MROH7: variants seen among roughly 807,000 people sequenced by gnomAD.
The protein encoded by MROH7 is maestro heat-like repeat-containing protein family member 7.
In MROH7, 113 loss-of-function variants were observed where a neutral mutation model predicts 129.2. That is an observed-to-expected ratio of 0.87 (90% CI 0.75 to 1.02). The LOEUF (loss-of-function observed/expected upper bound fraction) is 1.02. Ranked by LOEUF, MROH7 falls within the 50% of genes least tolerant of loss-of-function variation. MROH7 has a pLI of 0.00. For missense variants in MROH7, 1,601 were observed against 1,671.3 expected, an observed-to-expected ratio of 0.96 and a Z score of 0.73; for synonymous variants, 655 against 667.9, an observed-to-expected ratio of 0.98 and a Z score of 0.30.
At chr1:54,700,800 T>C (rs1213317677) in intron 18 of MROH7, among the ~76,000 whole-genome samples, 2 of 152,224 alleles carry the variant, frequency 1.3e-5, no homozygotes, top group African/African-American at 2.4e-5. Context: ...TGTTTTTCTC[T>C]ACCAGGCACT....
intron 21 of MROH7, 62 bp downstream of exon 21, chr1:54,702,807 G>A: frequency 6.5e-7 from 1 of 1,531,720 alleles, no homozygotes; most frequent in Middle Eastern, 1.8e-4. Flanking sequence ...CGAATTCTGT[G>A]TCTCTCTCTT....
intron 16 of MROH7, among the ~76,000 whole-genome samples, chr1:54,695,172 T>C (rs1044488114): frequency 6.6e-6 from 1 of 152,160 alleles, no homozygotes; most frequent in Non-Finnish European, 1.5e-5. Flanking sequence ...TCTTTCCCAT[T>C]CTGGGCTTCA....
At chr1:54,645,112 A>G (rs1644444848) in intron 1 of MROH7, among the ~76,000 whole-genome samples, 1 of 152,148 alleles carries the variant, frequency 6.6e-6, no homozygotes, top group African/African-American at 2.4e-5. Context: ...GCCCAGCCAA[A>G]GCATTTTTAT....
intron 1 of MROH7, among the ~76,000 whole-genome samples, chr1:54,649,090 C>T (rs1050170588): frequency 2.6e-5 from 4 of 152,124 alleles, no homozygotes; most frequent in Non-Finnish European, 5.9e-5. Flanking sequence ...GGTACTTGCA[C>T]AAGTGTCTAA....
Position 54,648,982 on chromosome 1 carries a change from C to T in MROH7, c.-109-2967C>T, listed in dbSNP as rs150348067. 3.1e-3 allele frequency among the ~76,000 whole-genome samples: 471 copies of T among 152,246 alleles called. 4 individuals carry two copies. Among genetic ancestry groups the T allele is most frequent in the African/African-American group, 0.011 (450 of 41,550 alleles). ...TGCAATGGAGGAGAATAGAAGAGTC[C>T]TATTTAGGGGAAAAATGGAGAGTCT... On this transcript the variant is annotated intron_variant, in intron 1 of 23. Transcript: ENST00000421030.
At chr1:54,680,681 G>C (rs1422238329) in intron 13 of MROH7, among the ~76,000 whole-genome samples, 2 of 152,240 alleles carry the variant, frequency 1.3e-5, no homozygotes, top group Non-Finnish European at 2.9e-5. Flanking sequence ...GGAGAGGTCA[G>C]TCTGGCCTCA....
In MROH7 at chr1:54,686,252, C is replaced by T. The variant is rs1269936349; in HGVS notation, c.2521-6C>T. 3 of 1,609,670 alleles carry T rather than the reference C, an allele frequency of 1.9e-6. No individual in the cohort carries two copies. The Admixed American group carries it at 5.0e-5, about 27-fold the overall frequency. On this transcript the variant is annotated splice_polypyrimidine_tract_variant and splice_region_variant and intron_variant, in intron 14 of 23. Coordinates refer to ENST00000421030, the MANE Select transcript of MROH7 (RefSeq NM_001039464.4). Reference sequence around the variant, plus strand: ...ACATCCCAGCAGCCTCCCCTCTGCCCCATAGGCAGCCAGCGGCCTGTGCGA... The same window carrying T: ...ACATCCCAGCAGCCTCCCCTCTGCCTCATAGGCAGCCAGCGGCCTGTGCGA...
intron 3 of MROH7, among the ~76,000 whole-genome samples, chr1:54,661,600 GTTTGTTTA>G (rs1342275833): frequency 6.8e-6 from 1 of 147,066 alleles, no homozygotes; most frequent in East Asian, 2.1e-4. Context: ...TTGTTTGTTT[GTTTGTTTA>G]TTTTGAGACA....
Position 54,700,432 on chromosome 1 carries a change from C to T in MROH7, c.3076C>T (p.Leu1026=), listed in dbSNP as rs1405133640. Residue 1026 remains leucine (L), a synonymous_variant, in exon 18 of 24, where the codon CTG becomes TTG. Transcript: ENST00000421030. The part of the protein sequence containing the change: ...PIMKVLSIRG[L]VILARRSEKT... ...CATGAAGGTGCTGTCCATTCGAGGC[C>T]TGGTCATCCTGGCCCGCAGGTCTGA... The T allele has an allele frequency of 6.2e-7, 1 of 1,607,020 alleles. No homozygotes were observed. The highest frequency in any genetic ancestry group is 1.7e-5 in the Admixed American group (1 of 59,642).
At chr1:54,661,898 A>G (rs2101086143) in intron 3 of MROH7, among the ~76,000 whole-genome samples, 1 of 152,136 alleles carries the variant, frequency 6.6e-6, no homozygotes, top group South Asian at 2.1e-4. Flanking sequence ...CCCTGGCCTT[A>G]AAAATATTTT....
In MROH7 at chr1:54,692,496, C is replaced by T; in HGVS notation, c.2784C>T (p.Asp928=). The T allele has an allele frequency of 1.2e-6, 2 of 1,614,040 alleles. No homozygotes were observed. The highest frequency in any genetic ancestry group is 1.7e-6 in the Non-Finnish European group (2 of 1,180,020). The change falls in exon 16 of 24, where the codon GAC becomes GAT. Residue 928 remains aspartate, a synonymous_variant. Transcript: ENST00000421030. ...CTTATGAGACCACGTTTCTGGAGGA[C>T]CAGGGTGGCTGGGAGCTCATGGAGC... The part of the protein sequence containing the change: ...GCSYETTFLE[D]QGGWELMEQV...
Position 54,673,085 on chromosome 1 carries a change from C to A in MROH7, c.1600-6C>A, listed in dbSNP as rs775285172. On this transcript the variant is annotated splice_region_variant and splice_polypyrimidine_tract_variant and intron_variant, in intron 7 of 23. Transcript: ENST00000421030. ...CTTAGTGGCTTGGTCCTCCTCCCATCCACAGGCTCTTTACCATCAGACCCT... is the reference window on the plus strand; with the variant it reads ...CTTAGTGGCTTGGTCCTCCTCCCATACACAGGCTCTTTACCATCAGACCCT... 22 of 1,612,268 alleles carry A rather than the reference C, an allele frequency of 1.4e-5. 1 individual carries two copies. The South Asian group carries it at 2.1e-4, about 15-fold the overall frequency.
intron 16 of MROH7, among the ~76,000 whole-genome samples, chr1:54,694,720 T>C (rs1329906737): frequency 6.6e-6 from 1 of 152,198 alleles, no homozygotes. Flanking sequence ...TCTGCCCGTC[T>C]CAGCCTCCCA....
chr1:54,653,916 C>G lies in MROH7; in HGVS notation c.990C>G (p.Ile330Met), dbSNP rs1407579955. ...CTCCACCCTCATGCATGACTCTAAT[C>G]CTGGGTTCCAATGAGACTCTGAGCC... ...TISPPSCMTLILGSNETLSLD... is the reference protein window; with the variant it reads ...TISPPSCMTLMLGSNETLSLD... Residue 330 changes from isoleucine (I) to methionine (M), a missense_variant, in exon 3 of 24, where the codon ATC becomes ATG. Ile to Met is a conservative substitution (Grantham distance 10, BLOSUM62 1). Coordinates refer to ENST00000421030, the MANE Select transcript of MROH7 (RefSeq NM_001039464.4). 3 of 1,614,090 alleles carry G rather than the reference C, an allele frequency of 1.9e-6. No individual in the cohort carries two copies. Among genetic ancestry groups the G allele is most frequent in the Non-Finnish European group, 2.5e-6 (3 of 1,180,046 alleles).
rs776184970 is a variant in MROH7 at position 54,701,209 on chromosome 1, G to A, written c.3172G>A (p.Val1058Met). 6.2e-7 allele frequency: 1 copy of A among 1,614,220 alleles called. No individual in the cohort carries two copies. The change falls in exon 19 of 24, where the codon GTG (valine) becomes ATG (methionine). Residue 1058 changes from valine to methionine, a missense_variant. By Grantham distance (21) the Val-to-Met change is conservative. Transcript: ENST00000421030. ...CCTGAAGAACATGGATGGGATGCTG[G>A]TGGTGGAAGCGGTCCACAACCTCAA... ...KGLKNMDGML[V>M]VEAVHNLKAV...
chr1:54,682,496 C>T lies in MROH7; in HGVS notation c.2382-160C>T, dbSNP rs114252178. On this transcript the variant is annotated intron_variant, in intron 13 of 23. Coordinates refer to ENST00000421030, the MANE Select transcript of MROH7 (RefSeq NM_001039464.4). ...AAATAGGGTTTCTTGTCCTTCTAGC[C>T]CCTGACTCTTTGGGAGTGTTTTCTG... Among the ~76,000 whole-genome samples, 888 of 152,246 alleles carry T rather than the reference C, an allele frequency of 5.8e-3. 5 individuals are homozygous for T. Among genetic ancestry groups the T allele is most frequent in the Non-Finnish European group, 7.2e-3 (489 of 68,002 alleles).
At chr1:54,663,115 C>G (rs1197159136) in intron 3 of MROH7, among the ~76,000 whole-genome samples, 1 of 152,064 alleles carries the variant, frequency 6.6e-6, no homozygotes, top group Non-Finnish European at 1.5e-5. Context: ...AATATTTACC[C>G]CTTTGTAGTA....
Position 54,706,455 on chromosome 1 carries a change from C to T in MROH7, c.3585C>T (p.Ser1195=), listed in dbSNP as rs148185761. The change falls in exon 22 of 24, where the codon AGC becomes AGT. Residue 1195 remains serine (S), a synonymous_variant. Transcript: ENST00000421030. ...CCTAGGTGAACACCCACCGAGACAGCGCCTTCATATTCCTCAGCCAGAGCC... is the reference window on the plus strand; with the variant it reads ...CCTAGGTGAACACCCACCGAGACAGTGCCTTCATATTCCTCAGCCAGAGCC... ...CKCLVNTHRD[S]AFIFLSQSLE... is the part of the protein sequence containing the mutation. The T allele has an allele frequency of 4.7e-4, 759 of 1,613,570 alleles. No homozygotes were observed. In the African/African-American group the frequency reaches 9.0e-3, roughly 19 times the overall value.
chr1:54,682,583 C>G, intron 13 of MROH7, 73 bp from the exon 14 acceptor site: 1 of 1,511,654 alleles, frequency 6.6e-7, no homozygotes, highest in Non-Finnish European at 8.9e-7. Context: ...TTCCCCCTCC[C>G]AAAACCATTT....
Sources: allele counts gnomAD v4.1 joint callset (sites outside exome capture counted in the v4.1 genomes callset), GRCh38; gene constraint gnomAD v4.1.1; transcripts MANE v1.5; gene names NCBI Gene and HGNC (gene_info 2026-07-23, HGNC 2026-07-21).